The following CFAP20DC variants were observed in gnomAD, a reference collection of about 807,000 sequenced individuals.
The protein encoded by CFAP20DC is CFAP20 domain containing.
In CFAP20DC, 84 loss-of-function variants were observed where a neutral mutation model predicts 101.7. That is an observed-to-expected ratio of 0.83 (90% CI 0.69 to 0.99). The LOEUF (loss-of-function observed/expected upper bound fraction) is 0.99, where lower values mean the gene tolerates loss of function less well. CFAP20DC is among the 50% of genes least tolerant of loss of function. The probability of loss-of-function intolerance (pLI) is 0.00; values close to 1 mark genes in which losing one functional copy is unlikely to be tolerated. For missense variants in CFAP20DC, 1,007 were observed against 970.3 expected, an observed-to-expected ratio of 1.04 and a Z score of -0.50; for synonymous variants, 359 against 351.2, an observed-to-expected ratio of 1.02 and a Z score of -0.25.
chr3:58,994,845 A>G (rs945169504), intron 4 of CFAP20DC, among the ~76,000 whole-genome samples: 1 of 152,066 alleles, frequency 6.6e-6, no homozygotes, highest in Non-Finnish European at 1.5e-5. Context: ...TAAAAAAAAA[A>G]ACAAAAAGCA....
intron 4 of CFAP20DC, chr3:59,018,900 C>T (rs1183996741): frequency 6.6e-6 from 1 of 152,030 alleles, no homozygotes. Flanking sequence ...GTGCAACATA[C>T]TCTCAAATAG....
At chr3:58,792,724 T>G (rs754804833) in intron 15 of CFAP20DC, among the ~76,000 whole-genome samples, 16 of 151,646 alleles carry the variant, frequency 1.1e-4, no homozygotes, top group Non-Finnish European at 2.1e-4. Flanking sequence ...TTGTTTTATT[T>G]ATAAATACTC....
At chr3:58,774,911 C>T (rs186084294) in intron 15 of CFAP20DC, among the ~76,000 whole-genome samples, 8 of 152,146 alleles carry the variant, frequency 5.3e-5, no homozygotes, top group Admixed American at 1.3e-4. Context: ...AATTCTCAAT[C>T]TTTTGAGGGT....
intron 5 of CFAP20DC, among the ~76,000 whole-genome samples, chr3:58,932,528 G>A (rs1325639126): frequency 1.3e-5 from 2 of 152,090 alleles, no homozygotes; most frequent in African/African-American, 4.8e-5. Flanking sequence ...AGAGAGAAAG[G>A]TCGCATTACC....
intron 14 of CFAP20DC, among the ~76,000 whole-genome samples, chr3:58,827,372 C>T (rs1399042470): frequency 7.3e-6 from 1 of 136,478 alleles, no homozygotes; most frequent in African/African-American, 2.8e-5. Context: ...CAACTGACAG[C>T]CAAGTTGACA....
intron 12 of CFAP20DC, among the ~76,000 whole-genome samples, chr3:58,854,043 T>C (rs1396762372): frequency 2.6e-5 from 4 of 152,136 alleles, no homozygotes; most frequent in African/African-American, 9.7e-5. Flanking sequence ...GGAAGTCAAA[T>C]TGTCCCTGTT....
At chr3:59,000,623 G>A (rs2093281620) in intron 4 of CFAP20DC, among the ~76,000 whole-genome samples, 1 of 152,172 alleles carries the variant, frequency 6.6e-6, no homozygotes, top group Non-Finnish European at 1.5e-5. Flanking sequence ...TCATGAGACA[G>A]TGGGCACTCA....
In CFAP20DC at chr3:58,843,837, G is replaced by T. The variant is rs1429505449; in HGVS notation, c.1971+5195C>A. On this transcript the variant is annotated intron_variant, in intron 13 of 16. Transcript: ENST00000482387. ...CTCTCGGCAGAAACCCTACAAGCCA[G>T]AAGAGAGTGGGGGCCAATATTCAAC... Among the ~76,000 whole-genome samples the T allele has an allele frequency of 6.1e-4, 87 of 142,180 alleles. No individual in the cohort carries two copies. The Middle Eastern group carries it at 0.011, about 18-fold the overall frequency. 93.3% of individuals were successfully genotyped at this position (142,180 alleles called of 152,430 possible). A position where few individuals can be genotyped will look rare whatever the true frequency, so the allele number is the denominator to read the frequency against.
intron 6 of CFAP20DC, among the ~76,000 whole-genome samples, chr3:58,909,948 T>C (rs990279606): frequency 3.9e-5 from 6 of 152,276 alleles, no homozygotes; most frequent in South Asian, 4.1e-4. Flanking sequence ...TATGTTTTCA[T>C]TGCTCAGCTC....
intron 3 of CFAP20DC, among the ~76,000 whole-genome samples, chr3:58,733,272 C>T (rs1373486034): frequency 6.6e-6 from 1 of 152,076 alleles, no homozygotes; most frequent in Non-Finnish European, 1.5e-5. Context: ...GCAGAGGTTG[C>T]AGTGAGCCAA....
At chr3:58,890,863 T>G (rs1258600793) in intron 6 of CFAP20DC, among the ~76,000 whole-genome samples, 52 of 139,276 alleles carry the variant, frequency 3.7e-4, no homozygotes, top group African/African-American at 1.3e-3. Flanking sequence ...TTCCTAGATG[T>G]GATGGTGGCT....
rs528194309 is a variant in CFAP20DC, at chr3:59,037,034, G to A, written c.278+2523C>T. Among the ~76,000 whole-genome samples the A allele has an allele frequency of 2.0e-5, 3 of 152,288 alleles. No individual in the cohort carries two copies. In the South Asian group the frequency reaches 6.2e-4, roughly 32 times the overall value. ...CTGACAAAAACAAGAAATGGGGAAA[G>A]GATTCCCTATTTAATAAATGGAGTT... On this transcript the variant is annotated intron_variant, in intron 4 of 16. Transcript: ENST00000482387.
In CFAP20DC at chr3:58,853,181, T is replaced by C. The variant is rs566780888; in HGVS notation, c.1594-3772A>G. Among the ~76,000 whole-genome samples the C allele has an allele frequency of 5.3e-3, 809 of 152,222 alleles. 6 individuals are homozygous for C. Among genetic ancestry groups the C allele is most frequent in the Non-Finnish European group, 9.3e-3 (631 of 68,014 alleles). Reference sequence around the variant, plus strand: ...CCACTGATCCCACAGAAATACAAACTACCATCAGAGAATACTACAAACACC... The same window carrying C: ...CCACTGATCCCACAGAAATACAAACCACCATCAGAGAATACTACAAACACC... On this transcript the variant is annotated intron_variant, in intron 12 of 16. Transcript: ENST00000482387.
At chr3:58,862,635 C>A in intron 12 of CFAP20DC, 1 of 985,296 alleles carries the variant, frequency 1.0e-6, no homozygotes, top group Non-Finnish European at 1.2e-6. Flanking sequence ...TGGACTTAAT[C>A]TGTGCCTCAC....
At chr3:58,822,897 T>C (rs138909802) in intron 14 of CFAP20DC, among the ~76,000 whole-genome samples, 38 of 152,262 alleles carry the variant, frequency 2.5e-4, no homozygotes, top group African/African-American at 8.2e-4. Flanking sequence ...GGTCATAAGA[T>C]ACTCATTTGA....
chr3:58,825,716 T>C (rs538634719), intron 14 of CFAP20DC, among the ~76,000 whole-genome samples: 1 of 152,250 alleles, frequency 6.6e-6, no homozygotes, highest in South Asian at 2.1e-4. Context: ...TCTCCAAAAT[T>C]GATTGATTGT....
chr3:59,040,504 G>A (rs559887160), intron 3 of CFAP20DC, among the ~76,000 whole-genome samples: 72 of 151,986 alleles, frequency 4.7e-4, no homozygotes, highest in African/African-American at 1.6e-3. Context: ...CCTGCTGTGG[G>A]ACTTTTTGGG....
chr3:58,920,177 G>A (rs1272717430), intron 5 of CFAP20DC, among the ~76,000 whole-genome samples: 3 of 143,134 alleles, frequency 2.1e-5, no homozygotes, highest in African/African-American at 5.2e-5. Context: ...TGCAGCCTCC[G>A]CTTCCCAGGC....
intron 4 of CFAP20DC, among the ~76,000 whole-genome samples, chr3:59,011,582 C>T (rs1191019127): frequency 1.3e-5 from 2 of 151,820 alleles, no homozygotes; most frequent in Admixed American, 6.6e-5. Context: ...CAAACCCAAA[C>T]TCAGCAGAAG....
Sources: gnomAD v4.1 joint callset for allele counts (sites outside exome capture counted in the v4.1 genomes callset) on GRCh38, gnomAD v4.1.1 for gene constraint, MANE v1.5 for transcripts, NCBI Gene and HGNC (gene_info 2026-07-23, HGNC 2026-07-21) for gene names.